Variants in ASB3 observed in about 807,000 individuals in gnomAD.
ASB3 encodes ankyrin repeat and SOCS box containing 3, also known as ankyrin repeat and SOCS box protein 3.
Under a neutral mutation model 54.5 loss-of-function variants are expected in ASB3, and 41 were observed. The ratio of observed to expected loss-of-function variants is 0.75; its 90% CI spans 0.59 to 0.98. ASB3 has a LOEUF of 0.98. Ranked by LOEUF, ASB3 falls within the 50% of genes least tolerant of loss-of-function variation. ASB3 has a pLI of 0.00. For synonymous variants in ASB3, 266 were observed against 221.2 expected (o/e 1.20, Z -1.80); for missense variants, 733 against 620.0 (o/e 1.18, Z -1.94).
At chr2:53,689,144 TAAA>T (rs1668779821) in intron 9 of ASB3, among the ~76,000 whole-genome samples, 1 of 151,710 alleles carries the variant, frequency 6.6e-6, no homozygotes, top group African/African-American at 2.4e-5. Context: ...ATGTCAAGTT[TAAA>T]ATGAATAAAT....
At chr2:53,743,666 T>A (rs761264378) in intron 3 of ASB3, among the ~76,000 whole-genome samples, 10 of 152,182 alleles carry the variant, frequency 6.6e-5, no homozygotes, top group Non-Finnish European at 1.5e-4. Flanking sequence ...ACTAATAAAA[T>A]AACACATTAT....
intron 3 of ASB3, among the ~76,000 whole-genome samples, chr2:53,744,384 C>CAAAAAAA (rs779225958): frequency 1.4e-5 from 2 of 139,942 alleles, no homozygotes; most frequent in African/African-American, 2.8e-5. Flanking sequence ...GACTCTGTCT[C>CAAAAAAA]AAAAAAATAA....
At chr2:53,763,048 G>GT (rs1003041956) in intron 2 of ASB3, among the ~76,000 whole-genome samples, 1 of 152,116 alleles carries the variant, frequency 6.6e-6, no homozygotes, top group Non-Finnish European at 1.5e-5. Flanking sequence ...CTCTGACAGT[G>GT]TATTAATATT....
At chr2:53,748,321 G>A (rs990184169) in intron 3 of ASB3, 8 of 152,088 alleles carry the variant, frequency 5.3e-5, no homozygotes, top group Admixed American at 2.0e-4. Context: ...TGAGGAAAGC[G>A]GCTAGAATGG....
chr2:53,678,582 C>A (rs1196545653), intron 9 of ASB3, among the ~76,000 whole-genome samples: 1 of 152,190 alleles, frequency 6.6e-6, no homozygotes, highest in Non-Finnish European at 1.5e-5. Context: ...TAGCACACCA[C>A]AAATGTGGTG....
chr2:53,774,809 A>C (rs1339043980), intron 1 of ASB3: 2 of 252,460 alleles, frequency 7.9e-6, no homozygotes, highest in African/African-American at 2.2e-5. Flanking sequence ...TGTTTTTATC[A>C]GAGTGATAAT....
intron 1 of ASB3, among the ~76,000 whole-genome samples, chr2:53,776,138 C>T (rs1023473288): frequency 3.3e-5 from 5 of 152,218 alleles, no homozygotes; most frequent in Non-Finnish European, 7.3e-5. Context: ...ATAATTAGTA[C>T]AGAAGTTTTT....
At chr2:53,719,845 T>C (rs1320022224) in intron 5 of ASB3, among the ~76,000 whole-genome samples, 1 of 152,152 alleles carries the variant, frequency 6.6e-6, no homozygotes, top group African/African-American at 2.4e-5. Context: ...GAGGATCGCT[T>C]GAGCTCAGGA....
chr2:53,696,825 A>G (rs964098096), intron 8 of ASB3, among the ~76,000 whole-genome samples: 5 of 152,242 alleles, frequency 3.3e-5, no homozygotes, highest in African/African-American at 1.2e-4. Context: ...ATGACAAAGT[A>G]TATGGGAGGA....
intron 7 of ASB3, among the ~76,000 whole-genome samples, chr2:53,701,483 T>A (rs995984909): frequency 2.0e-5 from 3 of 152,184 alleles, no homozygotes; most frequent in Non-Finnish European, 4.4e-5. Context: ...GCAATATCTC[T>A]TCTCTATTAT....
intron 7 of ASB3, among the ~76,000 whole-genome samples, chr2:53,708,050 T>C (rs1298379095): frequency 6.6e-6 from 1 of 151,496 alleles, no homozygotes; most frequent in Non-Finnish European, 1.5e-5. Flanking sequence ...TCTACTGATG[T>C]GGTTTGGATC....
At chr2:53,704,131 C>T (rs185156022) in intron 7 of ASB3, among the ~76,000 whole-genome samples, 13 of 151,962 alleles carry the variant, frequency 8.6e-5, no homozygotes, top group African/African-American at 2.7e-4. Context: ...AAAGCCAAGG[C>T]GGACAGATCA....
At chr2:53,741,248 T>A (rs1048571833) in intron 3 of ASB3, among the ~76,000 whole-genome samples, 9 of 152,336 alleles carry the variant, frequency 5.9e-5, no homozygotes, top group Non-Finnish European at 1.0e-4. Flanking sequence ...ATGGCATTAG[T>A]AATCATGAAG....
Position 53,670,464 on chromosome 2 carries a change from C to T in ASB3, c.*39G>A. ...TGGCTCTTTTGTCTCGATGATTTTT[C>T]AGAGAAAAAAATTAGCTGTGTTAAG... On this transcript the variant is annotated 3_prime_UTR_variant, in exon 10 of 10. Coordinates refer to ENST00000263634, the MANE Select transcript of ASB3 (RefSeq NM_016115.5). 6.3e-7 allele frequency: 1 copy of T among 1,587,684 alleles called. No homozygotes were observed. Among genetic ancestry groups the T allele is most frequent in the South Asian group, 1.2e-5 (1 of 85,838 alleles).
intron 2 of ASB3, 68 bp from the exon 3 acceptor site, chr2:53,751,009 A>G: frequency 1.4e-6 from 2 of 1,404,366 alleles, no homozygotes; most frequent in Non-Finnish European, 9.3e-7. Flanking sequence ...AAAAGCAAAG[A>G]TTCCAAGAGG....
intron 7 of ASB3, among the ~76,000 whole-genome samples, chr2:53,706,184 A>T (rs1362142065): frequency 2.6e-5 from 4 of 152,244 alleles, no homozygotes; most frequent in Non-Finnish European, 5.9e-5. Flanking sequence ...TCACACAGCC[A>T]TTATACATCT....
intron 5 of ASB3, among the ~76,000 whole-genome samples, chr2:53,722,432 A>G (rs960787363): frequency 1.3e-5 from 2 of 152,220 alleles, no homozygotes; most frequent in Non-Finnish European, 2.9e-5. Context: ...TCTCAACAAA[A>G]TATTAGCAAA....
At chr2:53,706,736 C>T (rs1057153037) in intron 7 of ASB3, among the ~76,000 whole-genome samples, 4 of 152,178 alleles carry the variant, frequency 2.6e-5, no homozygotes, top group African/African-American at 7.2e-5. Context: ...TGAGCCACTG[C>T]ACCCAGCCAA....
chr2:53,761,351 A>T (rs1254829103), intron 2 of ASB3, among the ~76,000 whole-genome samples: 1 of 152,194 alleles, frequency 6.6e-6, no homozygotes, highest in Non-Finnish European at 1.5e-5. Flanking sequence ...GCATTCGAGC[A>T]GGGAGCAGCA....
Sources: allele counts gnomAD v4.1 joint callset (sites outside exome capture counted in the v4.1 genomes callset), GRCh38; gene constraint gnomAD v4.1.1; transcripts MANE v1.5; gene names NCBI Gene and HGNC (gene_info 2026-07-23, HGNC 2026-07-21).